The following TM9SF4 variants were observed in gnomAD, a reference collection of about 807,000 sequenced individuals.
TM9SF4 encodes the protein transmembrane 9 superfamily member 4, also known as dinucleotide oxidase disulfide thiol exchanger 3 superfamily member 4.
Under a neutral mutation model 90.4 loss-of-function variants are expected in TM9SF4, and 26 were observed. The observed-to-expected ratio is 0.29, with a 90% CI of 0.21 to 0.40. TM9SF4 has a LOEUF of 0.40. Ranked by LOEUF, TM9SF4 falls within the 10% of genes least tolerant of loss-of-function variation. The probability of loss-of-function intolerance (pLI) is 1.00; values close to 1 mark genes in which losing one functional copy is unlikely to be tolerated. For missense variants in TM9SF4, 549 were observed against 834.8 expected (o/e 0.66, Z 4.22); for synonymous variants, 293 against 315.4 (o/e 0.93, Z 0.75).
chr20:32,113,761 A>G (rs979093130), intron 1 of TM9SF4, among the ~76,000 whole-genome samples: 1 of 152,174 alleles, frequency 6.6e-6, no homozygotes, highest in African/African-American at 2.4e-5. Context: ...TGTGATGGTT[A>G]TCACCATTGT....
intron 1 of TM9SF4, among the ~76,000 whole-genome samples, chr20:32,121,289 A>G (rs2046302930): frequency 6.6e-6 from 1 of 150,838 alleles, no homozygotes; most frequent in African/African-American, 2.4e-5. Context: ...AGTGGAGGGA[A>G]GGTCAGCAGA....
At chr20:32,141,988 G>A (rs1182770115) in intron 5 of TM9SF4, 93 bp downstream of exon 5, 168 of 1,568,896 alleles carry the variant, frequency 1.1e-4, no homozygotes, top group Non-Finnish European at 8.7e-6. Flanking sequence ...CTCGGCCACA[G>A]CAAGTTTCTC....
intron 13 of TM9SF4, 123 bp from the exon 14 acceptor site, chr20:32,157,671 A>G: frequency 7.9e-7 from 1 of 1,258,318 alleles, no homozygotes; most frequent in South Asian, 1.4e-5. Flanking sequence ...GGGGGCAGGG[A>G]GTGTGCTTCT....
chr20:32,161,230 G>A, intron 16 of TM9SF4, 46 bp from the exon 17 acceptor site: 6 of 1,551,772 alleles, frequency 3.9e-6, no homozygotes, highest in Non-Finnish European at 4.4e-6. Context: ...GGTAGGAAGG[G>A]GTTCTGCCCC....
intron 10 of TM9SF4, 50 bp from the exon 11 acceptor site, chr20:32,150,572 G>A: frequency 1.2e-6 from 2 of 1,610,478 alleles, no homozygotes; most frequent in Non-Finnish European, 1.7e-6. Context: ...GAGGCCTGGT[G>A]ATCAGCCACC....
At chr20:32,126,068 A>AACAC (rs71185382) in intron 1 of TM9SF4, among the ~76,000 whole-genome samples, 9,405 of 138,610 alleles carry the variant, frequency 0.068, 374 homozygotes, top group Non-Finnish European at 0.073. Flanking sequence ...CTTTCCCGTA[A>AACAC]ACACACACAC....
chr20:32,145,430 G>T lies in TM9SF4; in HGVS notation c.883+7G>T, dbSNP rs371250976. On this transcript the variant is annotated splice_region_variant and intron_variant, in intron 8 of 17. Transcript: ENST00000398022. ...GTGGTCTTCTTCCTGTCAGGTGAGA[G>T]ATCTGTGGGTTGAGGGAAAGGGGAT... The T allele has an allele frequency of 4.3e-6, 7 of 1,612,646 alleles. No homozygotes were observed. The highest frequency in any genetic ancestry group is 5.9e-6 in the Non-Finnish European group (7 of 1,178,816).
At chr20:32,152,092 G>A (rs1056595369) in intron 12 of TM9SF4, among the ~76,000 whole-genome samples, 3 of 150,794 alleles carry the variant, frequency 2.0e-5, no homozygotes, top group East Asian at 2.0e-4. Context: ...GGATGGTCTC[G>A]ATCTCCTGAC....
rs774865710 is a variant in TM9SF4 at position 32,138,800 on chromosome 20, TCTC to T, written c.229+2631_229+2633del. 1.6e-4 allele frequency among the ~76,000 whole-genome samples: 24 copies of T among 152,296 alleles called. No individual in the cohort carries two copies. In the East Asian group the frequency reaches 4.6e-3, roughly 29 times the overall value. On this transcript the variant is annotated intron_variant, in intron 3 of 17. Transcript: ENST00000398022. ...CCCTGTTCCTCTCTGTAGCTCTTTCTCTCCTCAAGCAAGATCCTCATTGACAGG... is the reference window on the plus strand; with the variant it reads ...CCCTGTTCCTCTCTGTAGCTCTTTCTCTCAAGCAAGATCCTCATTGACAGG...
intron 8 of TM9SF4, 75 bp downstream of exon 8, chr20:32,145,498 G>A: frequency 7.7e-7 from 1 of 1,305,688 alleles, no homozygotes; most frequent in Non-Finnish European, 1.1e-6. Context: ...TCATGTATGG[G>A]GGACTTCCAG....
At position 32,112,693 on chromosome 20, in the gene TM9SF4, C is replaced by CAAAAAAA. The variant is rs11406793; in HGVS notation, c.15+2948_15+2954dup. 6.0e-4 allele frequency among the ~76,000 whole-genome samples: 73 copies of CAAAAAAA among 121,660 alleles called. No individual in the cohort carries two copies. In the East Asian group the frequency reaches 0.016, roughly 26 times the overall value. 79.8% of individuals were successfully genotyped at this position (121,660 alleles called of 152,430 possible). On this transcript the variant is annotated intron_variant, in intron 1 of 17. Coordinates refer to ENST00000398022, the MANE Select transcript of TM9SF4 (RefSeq NM_014742.4). Reference sequence around the variant, plus strand: ...TGGGTGACAGAGTGAGACCCTATCTCAAAAAAAAAAAAAAAACAAAAAACA... The same window carrying CAAAAAAA: ...TGGGTGACAGAGTGAGACCCTATCTCAAAAAAAAAAAAAAAAAAAAAAACAAAAAACA...
At position 32,161,371 on chromosome 20, in the gene TM9SF4, G is replaced by T; in HGVS notation, c.1779+6G>T. The T allele has an allele frequency of 6.2e-7, 1 of 1,613,464 alleles. No homozygotes were observed. The highest frequency in any genetic ancestry group is 8.5e-7 in the Non-Finnish European group (1 of 1,179,618). ...TCTTTTATTTCGTTAACAAGGTACT[G>T]CCCTCCTTGAGGAGGTCCTCTTAGT... On this transcript the variant is annotated splice_donor_region_variant and intron_variant, in intron 17 of 17. Coordinates refer to ENST00000398022, the MANE Select transcript of TM9SF4 (RefSeq NM_014742.4).
intron 3 of TM9SF4, chr20:32,136,926 C>T (rs1048953187): frequency 1.1e-5 from 5 of 471,090 alleles, no homozygotes; most frequent in African/African-American, 2.0e-5. Flanking sequence ...GAAAGGGCTG[C>T]CTTCTCCGTC....
At chr20:32,158,069 G>A in intron 14 of TM9SF4, 100 bp downstream of exon 14, 1 of 1,490,426 alleles carries the variant, frequency 6.7e-7, no homozygotes. Context: ...TGCCGCTTCA[G>A]CCGGCTCTAA....
chr20:32,123,143 TGAGAGGGAGACCATGAGGAGAGGGA>T, intron 1 of TM9SF4, among the ~76,000 whole-genome samples: 1 of 109,682 alleles, frequency 9.1e-6, no homozygotes, highest in African/African-American at 3.4e-5. Context: ...CGGCTCGGCA[TGAGAGGGAGACCATGAGGAGAGGGA>T]GAGGGGGAGG....
Position 32,141,560 on chromosome 20 carries a change from AG to A in TM9SF4, c.294del (p.Lys99SerfsTer13). 1 of 1,614,154 alleles carries A rather than the reference AG, an allele frequency of 6.2e-7. No homozygotes were observed. Among genetic ancestry groups the A allele is most frequent in the Non-Finnish European group, 8.5e-7 (1 of 1,180,036 alleles). On this transcript the variant is annotated frameshift_variant, in exon 4 of 18. Coordinates refer to ENST00000398022, the MANE Select transcript of TM9SF4 (RefSeq NM_014742.4). LOFTEE classifies it high-confidence loss of function. ...TTCCAGGTTCTCATGAACAGCGAGA[AG>A]AAGTGTGAAGTTCTGTGCAGCCAGT... is the stretch of plus-strand genomic sequence containing the variant. ...TPFQVLMNSE[K>X]KCEVLCSQSN...
Position 32,165,275 on chromosome 20 carries a change from C to CT in TM9SF4, c.1780-17dup. Reference sequence around the variant, plus strand: ...TGGCACTAAGCATGCACCCTGTCTTCTTTCTGCTCGTGGCCGCAGCTGGAC... The same window carrying CT: ...TGGCACTAAGCATGCACCCTGTCTTCTTTTCTGCTCGTGGCCGCAGCTGGAC... On this transcript the variant is annotated intron_variant, in intron 17 of 17. Coordinates refer to ENST00000398022, the MANE Select transcript of TM9SF4 (RefSeq NM_014742.4). 1.9e-6 allele frequency: 3 copies of CT among 1,613,946 alleles called. No individual in the cohort carries two copies. Among genetic ancestry groups the CT allele is most frequent in the Non-Finnish European group, 2.5e-6 (3 of 1,179,882 alleles).
chr20:32,141,121 G>A (rs1025298443), intron 3 of TM9SF4, among the ~76,000 whole-genome samples: 3 of 150,438 alleles, frequency 2.0e-5, no homozygotes, highest in African/African-American at 4.9e-5. Flanking sequence ...GGAGGCTGAG[G>A]CAGGAGAATG....
At chr20:32,128,035 T>C (rs1033846425) in intron 1 of TM9SF4, among the ~76,000 whole-genome samples, 1 of 152,246 alleles carries the variant, frequency 6.6e-6, no homozygotes, top group Non-Finnish European at 1.5e-5. Flanking sequence ...TTCAAATTCA[T>C]GTTCTTTTTT....
Sources: gnomAD v4.1 joint callset for allele counts (sites outside exome capture counted in the v4.1 genomes callset) on GRCh38, gnomAD v4.1.1 for gene constraint, MANE v1.5 for transcripts, NCBI Gene and HGNC (gene_info 2026-07-23, HGNC 2026-07-21) for gene names.